The following ADGRD1 variants were observed in gnomAD, a reference collection of about 807,000 sequenced individuals.
ADGRD1 encodes the protein adhesion G protein-coupled receptor D1, also known as G-protein coupled receptor 133.
A neutral mutation model predicts 113.4 loss-of-function variants in ADGRD1; 77 were observed. That is an observed-to-expected ratio of 0.68 (90% CI 0.57 to 0.82). The LOEUF is 0.82. Ranked by LOEUF, ADGRD1 falls within the 40% of genes least tolerant of loss-of-function variation. ADGRD1 has a pLI of 0.00. For synonymous variants in ADGRD1, 474 were observed against 475.0 expected, an observed-to-expected ratio of 1.00 and a Z score of 0.03; for missense variants, 1,036 against 1,139.1, an observed-to-expected ratio of 0.91 and a Z score of 1.30.
rs1185642986 is a variant in ADGRD1 at position 131,139,487 on chromosome 12, AC to A, written c.*227del. On this transcript the variant is annotated 3_prime_UTR_variant, in exon 25 of 25. Transcript: ENST00000261654. ...GCGTGGGCCCTCCTGCCTTGCATCC[AC>A]CCGTGGGCTGAGTGACTTCCTCGGG... 3.8e-6 allele frequency: 2 copies of A among 521,906 alleles called. No individual in the cohort carries two copies. The highest frequency in any genetic ancestry group is 1.9e-5 in the African/African-American group (1 of 51,814). 32.3% of individuals were successfully genotyped at this position (521,906 alleles called of 1,614,324 possible).
At chr12:131,088,944 G>A (rs1278065480) in intron 15 of ADGRD1, among the ~76,000 whole-genome samples, 1 of 152,290 alleles carries the variant, frequency 6.6e-6, no homozygotes, top group Non-Finnish European at 1.5e-5. Context: ...CCACATTCAG[G>A]GGGTCTGGGG....
chr12:131,081,026 T>A (rs2077211209), intron 14 of ADGRD1, among the ~76,000 whole-genome samples: 1 of 152,238 alleles, frequency 6.6e-6, no homozygotes. Flanking sequence ...TATCATTACA[T>A]AATGTCCCTC....
intron 13 of ADGRD1, among the ~76,000 whole-genome samples, chr12:131,018,381 G>T (rs1878893692): frequency 6.6e-6 from 1 of 152,188 alleles, no homozygotes; most frequent in Non-Finnish European, 1.5e-5. Context: ...TGCCCCTGCT[G>T]TGGAGGACGC....
intron 18 of ADGRD1, among the ~76,000 whole-genome samples, chr12:131,111,386 C>G (rs994184815): frequency 6.6e-6 from 1 of 152,248 alleles, no homozygotes; most frequent in Non-Finnish European, 1.5e-5. Flanking sequence ...GCCACCATGC[C>G]TGGCCCACTT....
chr12:131,035,874 T>C (rs1344676983), intron 13 of ADGRD1, among the ~76,000 whole-genome samples: 1 of 152,178 alleles, frequency 6.6e-6, no homozygotes, highest in Non-Finnish European at 1.5e-5. Context: ...GATAAAAATG[T>C]TATTCTCCTA....
At chr12:131,138,607 C>T (rs1009762090) in intron 24 of ADGRD1, among the ~76,000 whole-genome samples, 2 of 152,180 alleles carry the variant, frequency 1.3e-5, no homozygotes, top group Admixed American at 6.5e-5. Context: ...TGCTTCCCCC[C>T]TGCTGGAGCC....
intron 15 of ADGRD1, among the ~76,000 whole-genome samples, chr12:131,103,945 C>T (rs1057218859): frequency 6.6e-6 from 1 of 152,206 alleles, no homozygotes; most frequent in South Asian, 2.1e-4. Context: ...CCGGAGCCTC[C>T]TGGAGCGCAG....
chr12:131,072,180 G>T (rs577237005), intron 13 of ADGRD1, among the ~76,000 whole-genome samples: 9 of 151,818 alleles, frequency 5.9e-5, no homozygotes, highest in Non-Finnish European at 8.8e-5. Context: ...GTGTCTGCGG[G>T]CCCCTTTCTT....
intron 4 of ADGRD1, among the ~76,000 whole-genome samples, chr12:130,979,815 T>TCACACACA (rs1491129989): frequency 1.3e-3 from 180 of 139,832 alleles, no homozygotes; most frequent in African/African-American, 1.4e-3. Context: ...GCAGCTAGTG[T>TCACACACA]CTCACACACA....
intron 14 of ADGRD1, among the ~76,000 whole-genome samples, chr12:131,083,289 CT>C (rs538430900): frequency 0.015 from 2,236 of 145,136 alleles, 37 homozygotes; most frequent in African/African-American, 0.042. Flanking sequence ...CCATTTAAAT[CT>C]TTTTTTTTTT....
chr12:131,120,722 T>C, intron 19 of ADGRD1, 125 bp from the exon 20 acceptor site: 3 of 855,150 alleles, frequency 3.5e-6, no homozygotes, highest in East Asian at 2.4e-5. Flanking sequence ...TTAGGAATGT[T>C]GTATGACTGC....
rs1404481546 is a variant in ADGRD1 at position 130,971,430 on chromosome 12, A to G, written c.188-28A>G. 1.9e-6 allele frequency: 3 copies of G among 1,607,516 alleles called. No individual in the cohort carries two copies. Among genetic ancestry groups the G allele is most frequent in the Non-Finnish European group, 1.7e-6 (2 of 1,175,288 alleles). On this transcript the variant is annotated intron_variant, in intron 3 of 24. Coordinates refer to ENST00000261654, the MANE Select transcript of ADGRD1 (RefSeq NM_198827.5). This position sits in a 1 kb window ranked among gnomAD's most constrained non-coding sequence, Gnocchi z 4.2. ...CTTTTAATCTCGGAAGGTTATTAAC[A>G]TATGATGTTGTCATTTTTCTTCCTT...
At chr12:131,131,083 C>G (rs535117374) in intron 20 of ADGRD1, among the ~76,000 whole-genome samples, 1 of 152,330 alleles carries the variant, frequency 6.6e-6, no homozygotes, top group African/African-American at 2.4e-5. Flanking sequence ...GTGCCTGCCT[C>G]GCCAGCCTCC....
rs1308435846 is a variant in ADGRD1, at chr12:131,005,975, G to A, written c.1259G>A (p.Trp420Ter). Residue 420 changes from tryptophan (W) to a stop codon, truncating the protein, a stop_gained, in exon 12 of 25, where the codon TGG (tryptophan) becomes TAG (stop). Coordinates refer to ENST00000261654, the MANE Select transcript of ADGRD1 (RefSeq NM_198827.5). LOFTEE classifies it high-confidence loss of function. ...TGCCCCTCTGCTCTCTCTGCAGCCTGGAGCACCGTCGTGGGTCTGCTGTAC... is the reference window on the plus strand; with the variant it reads ...TGCCCCTCTGCTCTCTCTGCAGCCTAGAGCACCGTCGTGGGTCTGCTGTAC... ...IPHEAFHRHAWSTVVGLLYHS... is the reference protein window; with the variant it reads ...IPHEAFHRHA 6.2e-7 allele frequency: 1 copy of A among 1,610,872 alleles called. No individual in the cohort carries two copies. The highest frequency in any genetic ancestry group is 8.5e-7 in the Non-Finnish European group (1 of 1,179,844).
intron 13 of ADGRD1, chr12:131,070,941 C>A: frequency 1.9e-6 from 1 of 518,882 alleles, no homozygotes; most frequent in Non-Finnish European, 3.8e-6. Flanking sequence ...TCAGAGTGGG[C>A]CTGAGAAGGG....
chr12:130,974,930 C>T (rs1305494086), intron 4 of ADGRD1, among the ~76,000 whole-genome samples: 4 of 152,058 alleles, frequency 2.6e-5, no homozygotes, highest in Non-Finnish European at 5.9e-5. Flanking sequence ...CAAATGGTGC[C>T]TTCTGGGGAC....
intron 18 of ADGRD1, among the ~76,000 whole-genome samples, chr12:131,112,159 T>C (rs1273680685): frequency 6.6e-6 from 1 of 152,200 alleles, no homozygotes; most frequent in East Asian, 1.9e-4. Flanking sequence ...GTTTCTCCTG[T>C]GGTGTGATTC....
intron 20 of ADGRD1, among the ~76,000 whole-genome samples, chr12:131,122,153 A>G (rs1021975894): frequency 2.6e-5 from 4 of 151,954 alleles, no homozygotes; most frequent in African/African-American, 4.8e-5. Flanking sequence ...AGGGCCCCGC[A>G]GTGAACTGGA....
rs116589143 is a variant in ADGRD1 at position 131,039,103 on chromosome 12, G to A, written c.1473+24763G>A. 4.0e-3 allele frequency among the ~76,000 whole-genome samples: 607 copies of A among 152,360 alleles called. 3 individuals carry two copies. The highest frequency in any genetic ancestry group is 0.014 in the African/African-American group (582 of 41,582). On this transcript the variant is annotated intron_variant, in intron 13 of 24. Transcript: ENST00000261654. Reference sequence around the variant, plus strand: ...CTGTCGAAGGCCCCGAGCTGTGTGCGGAGCAGGAACGCATGGAGCCTGTGC... The same window carrying A: ...CTGTCGAAGGCCCCGAGCTGTGTGCAGAGCAGGAACGCATGGAGCCTGTGC...
Sources: allele counts gnomAD v4.1 joint callset (sites outside exome capture counted in the v4.1 genomes callset), GRCh38; gene constraint gnomAD v4.1.1; non-coding constraint Gnocchi (gnomAD v3.1); transcripts MANE v1.5; gene names NCBI Gene and HGNC (gene_info 2026-07-23, HGNC 2026-07-21).